Variants in FBXL22 observed in about 807,000 individuals in gnomAD.
The protein encoded by FBXL22 is F-box and leucine rich repeat protein 22, also known as F-box and leucine-rich protein 22.
In FBXL22, 13 loss-of-function variants were observed where a neutral mutation model predicts 11.7. That is an observed-to-expected ratio of 1.11 (90% CI 0.73 to 1.77). FBXL22 has a LOEUF of 1.77. Among genes scored for constraint, FBXL22 ranks in the 40% most tolerant of loss-of-function variants. The pLI is 0.00. For synonymous variants in FBXL22, 160 were observed against 144.1 expected, an observed-to-expected ratio of 1.11 and a Z score of -0.79; for missense variants, 406 against 320.4, an observed-to-expected ratio of 1.27 and a Z score of -2.04.
downstream of FBXL22, among the ~76,000 whole-genome samples, chr15:63,602,915 C>T (rs1256742938): frequency 2.0e-5 from 3 of 152,198 alleles, no homozygotes; most frequent in Non-Finnish European, 2.9e-5. Flanking sequence ...CGCAGCTTAA[C>T]TTCAACATGC....
chr15:63,597,432 C>T lies in FBXL22; in HGVS notation c.40C>T (p.Arg14Trp), dbSNP rs759229386. Residue 14 changes from arginine (R) to tryptophan (W), a missense_variant, in exon 1 of 2, where the codon CGG becomes TGG. Coordinates refer to ENST00000638704, the MANE Select transcript of FBXL22 (RefSeq NM_001367807.1). The surrounding 1 kb of genome is among the most constrained non-coding windows in gnomAD (Gnocchi z 4.3). Reference sequence around the variant, plus strand: ...CACCATGCACATAACCCAGCTCAACCGGGAGTGCCTGCTGCACCTCTTCTC... The same window carrying T: ...CACCATGCACATAACCCAGCTCAACTGGGAGTGCCTGCTGCACCTCTTCTC... Reference protein sequence around the residue: ...LLTMHITQLNRECLLHLFSFL... With the variant: ...LLTMHITQLNWECLLHLFSFL... 4 of 1,613,600 alleles carry T rather than the reference C, an allele frequency of 2.5e-6. No homozygotes were observed. The highest frequency in any genetic ancestry group is 1.1e-5 in the South Asian group (1 of 91,084).
chr15:63,599,134 A>C, intron 1 of FBXL22: 1 of 1,411,710 alleles, frequency 7.1e-7, no homozygotes, highest in Non-Finnish European at 9.7e-7. Flanking sequence ...AAAATGTGCT[A>C]AATTTTTCTT....
downstream of FBXL22, among the ~76,000 whole-genome samples, chr15:63,602,750 G>A (rs966905397): frequency 2.6e-5 from 4 of 152,158 alleles, no homozygotes; most frequent in Admixed American, 1.3e-4. Flanking sequence ...GAGGCATGAA[G>A]TGAGGCAGGG....
chr15:63,597,607 G>T lies in FBXL22; in HGVS notation c.215G>T (p.Arg72Leu), dbSNP rs757146172. ...AACTTCCTCCTGGGCCCGGCACTCC[G>T]CAGCCTCTCCATCTGCTGGCACTCC... ...KDNFLLGPALRSLSICWHSSR... is the reference protein window; with the variant it reads ...KDNFLLGPALLSLSICWHSSR... The change falls in exon 1 of 2, where the codon CGC (arginine) becomes CTC (leucine). Residue 72 changes from arginine to leucine, a missense_variant. Physicochemically the swap from Arg to Leu is moderately radical, Grantham distance 102 (BLOSUM62 -2). Coordinates refer to ENST00000638704, the MANE Select transcript of FBXL22 (RefSeq NM_001367807.1). The surrounding 1 kb of genome is among the most constrained non-coding windows in gnomAD (Gnocchi z 4.3). 1.2e-5 allele frequency: 19 copies of T among 1,613,562 alleles called. 1 individual carries two copies. In the South Asian group the frequency reaches 1.8e-4, roughly 15 times the overall value.
At chr15:63,600,621 G>C in intron 1 of FBXL22, 76 bp from the exon 2 acceptor site, 18 of 1,230,658 alleles carry the variant, frequency 1.5e-5, no homozygotes, top group Non-Finnish European at 1.6e-5. Flanking sequence ...CGGTAAATGA[G>C]TCCACTCGGT....
downstream of FBXL22, among the ~76,000 whole-genome samples, chr15:63,607,212 ATTTTT>A (rs994263886): frequency 1.3e-5 from 2 of 151,880 alleles, no homozygotes; most frequent in South Asian, 2.1e-4. Flanking sequence ...TGCCCAGCTA[ATTTTT>A]TTTATTTTTA....
chr15:63,597,740 C>A lies in FBXL22; in HGVS notation c.348C>A (p.Cys116Ter). ...SLVNDFLLRVCDRCPNLASVT... is the reference protein window; with the variant it reads ...SLVNDFLLRV ...TCAATGATTTCCTCCTCCGGGTGTG[C>A]GACAGGTAGGCCACCTTGCCTCCTG... The change falls in exon 1 of 2, where the codon TGC becomes TGA. Residue 116 changes from cysteine to a stop codon, truncating the protein, a stop_gained. Coordinates refer to ENST00000638704, the MANE Select transcript of FBXL22 (RefSeq NM_001367807.1). LOFTEE classifies it high-confidence loss of function. The surrounding 1 kb of genome is among the most constrained non-coding windows in gnomAD (Gnocchi z 4.3). 1 of 1,572,956 alleles carries A rather than the reference C, an allele frequency of 6.4e-7. No individual in the cohort carries two copies.
At chr15:63,600,331 G>C in intron 1 of FBXL22, 1 of 1,039,392 alleles carries the variant, frequency 9.6e-7, no homozygotes, top group Non-Finnish European at 1.2e-6. Context: ...CCGCTCCCCT[G>C]CAAGGCAGCA....
chr15:63,600,047 G>A (rs2067341698), intron 1 of FBXL22: 7 of 985,722 alleles, frequency 7.1e-6, no homozygotes, highest in Non-Finnish European at 8.4e-6. Flanking sequence ...AGCGACCTGG[G>A]TGGGTGTCCG....
At chr15:63,601,719 A>G (rs565873379), downstream of FBXL22, 45 of 1,591,086 alleles carry the variant, frequency 2.8e-5, no homozygotes, top group East Asian at 6.8e-4. Flanking sequence ...TTCGCTCCCA[A>G]TTGTTGAATG....
In FBXL22 at chr15:63,600,841, C is replaced by T. The variant is rs1225476898; in HGVS notation, c.498C>T (p.Ala166=). ...CARVTNRTLA[A]VAADGRALQT... is the part of the protein sequence containing the mutation. ...GCGTCACCAACCGCACGTTGGCTGC[C>T]GTGGCGGCGGACGGGCGCGCGCTGC... The change falls in exon 2 of 2, where the codon GCC becomes GCT. Residue 166 remains alanine (A), a synonymous_variant. Transcript: ENST00000638704. 11 of 1,230,284 alleles carry T rather than the reference C, an allele frequency of 8.9e-6. No homozygotes were observed. The highest frequency in any genetic ancestry group is 1.0e-5 in the Non-Finnish European group (10 of 987,074). The allele number at this position is 1,230,284 out of a possible 1,614,324, so 76.2% of individuals were successfully genotyped here.
At chr15:63,598,216 A>T (rs2067304837) in intron 1 of FBXL22, among the ~76,000 whole-genome samples, 1 of 152,078 alleles carries the variant, frequency 6.6e-6, no homozygotes, top group South Asian at 2.1e-4. Flanking sequence ...GCCAAACCAG[A>T]CTCCAGGAGT....
At chr15:63,598,737 G>T (rs2067314955) in intron 1 of FBXL22, among the ~76,000 whole-genome samples, 1 of 152,212 alleles carries the variant, frequency 6.6e-6, no homozygotes. Flanking sequence ...ACAGCGTAGT[G>T]ACCCCACCTT....
At position 63,597,431 on chromosome 15, in the gene FBXL22, C is replaced by T. The variant is rs899287395; in HGVS notation, c.39C>T (p.Asn13=). 8 of 1,613,458 alleles carry T rather than the reference C, an allele frequency of 5.0e-6. No individual in the cohort carries two copies. The highest frequency in any genetic ancestry group is 6.8e-6 in the Non-Finnish European group (8 of 1,179,852). ...TCACCATGCACATAACCCAGCTCAA[C>T]CGGGAGTGCCTGCTGCACCTCTTCT... ...PLLTMHITQL[N]RECLLHLFSF... The change falls in exon 1 of 2, where the codon AAC becomes AAT. Residue 13 remains asparagine, a synonymous_variant. Transcript: ENST00000638704. The surrounding 1 kb of genome is among the most constrained non-coding windows in gnomAD (Gnocchi z 4.3).
chr15:63,598,194 C>A (rs1427403613), intron 1 of FBXL22, among the ~76,000 whole-genome samples: 5 of 152,106 alleles, frequency 3.3e-5, no homozygotes, highest in Non-Finnish European at 7.4e-5. Context: ...CCAGGGTGCT[C>A]AGGTCAGCTG....
chr15:63,601,453 C>G, downstream of FBXL22: 3 of 1,571,212 alleles, frequency 1.9e-6, no homozygotes, highest in Non-Finnish European at 2.6e-6. Flanking sequence ...GGCTGCCGCG[C>G]GCAGGGGTCT....
At chr15:63,599,102 G>A in intron 1 of FBXL22, 1 of 1,165,250 alleles carries the variant, frequency 8.6e-7, no homozygotes, top group Non-Finnish European at 1.2e-6. Flanking sequence ...TCAAACTCTT[G>A]CAACCTCATT....
chr15:63,600,097 A>T (rs928031993), intron 1 of FBXL22: 1 of 985,540 alleles, frequency 1.0e-6, no homozygotes, highest in Non-Finnish European at 1.2e-6. Flanking sequence ...GCTGCCTCCG[A>T]ACCCTACCCT....
At chr15:63,603,245 C>T (rs929746766), downstream of FBXL22, among the ~76,000 whole-genome samples, 13 of 152,218 alleles carry the variant, frequency 8.5e-5, no homozygotes, top group Middle Eastern at 3.4e-3. Flanking sequence ...CCAAGATAGC[C>T]ACCAGAACAA....
Sources: allele counts gnomAD v4.1 joint callset (sites outside exome capture counted in the v4.1 genomes callset), GRCh38; gene constraint gnomAD v4.1.1; non-coding constraint Gnocchi (gnomAD v3.1); transcripts MANE v1.5; gene names NCBI Gene and HGNC (gene_info 2026-07-23, HGNC 2026-07-21).